KSR2: variants seen among roughly 807,000 people sequenced by gnomAD.
KSR2 encodes kinase suppressor of ras 2.
Under a neutral mutation model 107.8 loss-of-function variants are expected in KSR2, and 25 were observed. That is an observed-to-expected ratio of 0.23 (90% CI 0.17 to 0.32). KSR2 has a LOEUF of 0.32. Among genes scored for constraint, KSR2 ranks in the 10% least tolerant of loss-of-function variants. The pLI is 1.00. For synonymous variants in KSR2, 480 were observed against 507.0 expected, an observed-to-expected ratio of 0.95 and a Z score of 0.71; for missense variants, 887 against 1,268.9, an observed-to-expected ratio of 0.70 and a Z score of 4.57.
chr12:117,925,065 C>T (rs139778815), intron 1 of KSR2, among the ~76,000 whole-genome samples: 47 of 151,670 alleles, frequency 3.1e-4, no homozygotes, highest in African/African-American at 9.7e-4. Flanking sequence ...ATTGGCAAGA[C>T]GTTGATTATT....
chr12:117,629,332 G>A (rs1466378221), intron 5 of KSR2, among the ~76,000 whole-genome samples: 1 of 152,168 alleles, frequency 6.6e-6, no homozygotes, highest in Non-Finnish European at 1.5e-5. Context: ...GGCCATCTTG[G>A]AATGCTTTCT....
chr12:117,961,674 T>C (rs1411363698), intron 1 of KSR2, among the ~76,000 whole-genome samples: 1 of 152,150 alleles, frequency 6.6e-6, no homozygotes, highest in Non-Finnish European at 1.5e-5. Flanking sequence ...ACCAGCTGAA[T>C]GTGGCCACGA....
At chr12:117,755,337 G>A (rs540000499) in intron 4 of KSR2, among the ~76,000 whole-genome samples, 6 of 152,290 alleles carry the variant, frequency 3.9e-5, no homozygotes, top group African/African-American at 9.6e-5. Flanking sequence ...CAAGCCTCTC[G>A]CTGCCACGTT....
intron 5 of KSR2, among the ~76,000 whole-genome samples, chr12:117,646,929 G>A (rs558855972): frequency 6.6e-6 from 1 of 152,160 alleles, no homozygotes; most frequent in Non-Finnish European, 1.5e-5. Context: ...GGCTGTGAAG[G>A]GTGGATGATT....
At chr12:117,942,450 A>G (rs2137538289) in intron 1 of KSR2, among the ~76,000 whole-genome samples, 1 of 151,188 alleles carries the variant, frequency 6.6e-6, no homozygotes, top group East Asian at 1.9e-4. Context: ...TGAATTTTTC[A>G]AGTTCCCTCT....
chr12:117,950,749 A>ATAATAATAATAAT (rs60499991), intron 1 of KSR2, among the ~76,000 whole-genome samples: 3 of 132,162 alleles, frequency 2.3e-5, no homozygotes, highest in African/African-American at 5.8e-5. Flanking sequence ...AAAAAAAAAA[A>ATAATAATAATAAT]AATAATAATA....
intron 1 of KSR2, among the ~76,000 whole-genome samples, chr12:117,925,824 G>T (rs1204811917): frequency 6.6e-6 from 1 of 152,174 alleles, no homozygotes; most frequent in Non-Finnish European, 1.5e-5. Flanking sequence ...GTGTGCTGGG[G>T]TAGGGGTTTA....
At chr12:117,656,981 G>GAGATATATATATATTAGGATATATAT (rs1254292550) in intron 5 of KSR2, among the ~76,000 whole-genome samples, 1 of 98,210 alleles carries the variant, frequency 1.0e-5, no homozygotes, top group African/African-American at 4.3e-5. Context: ...TATATAATAG[G>GAGATATATATATATTAGGATATATAT]ATATATATAT....
chr12:117,525,865 AG>A (rs1436246288), intron 13 of KSR2, among the ~76,000 whole-genome samples: 1 of 152,302 alleles, frequency 6.6e-6, no homozygotes, highest in African/African-American at 2.4e-5. Flanking sequence ...AGCAGCTGGG[AG>A]GGTAGGAGAC....
chr12:117,584,714 C>T (rs1235265898), intron 5 of KSR2, among the ~76,000 whole-genome samples: 1 of 152,170 alleles, frequency 6.6e-6, no homozygotes, highest in East Asian at 1.9e-4. Flanking sequence ...TACATGTTTG[C>T]TGAATCCAAG....
At chr12:117,884,307 A>G (rs1473967377) in intron 1 of KSR2, among the ~76,000 whole-genome samples, 3 of 152,152 alleles carry the variant, frequency 2.0e-5, no homozygotes, top group African/African-American at 7.2e-5. Flanking sequence ...AGAGAGAAAA[A>G]GGGACATGAG....
chr12:117,754,976 C>G (rs1411537361), intron 4 of KSR2, among the ~76,000 whole-genome samples: 1 of 152,172 alleles, frequency 6.6e-6, no homozygotes, highest in African/African-American at 2.4e-5. Context: ...TAAAAGCAGA[C>G]TGAACACTAG....
At chr12:117,875,363 C>T (rs531146393) in intron 1 of KSR2, among the ~76,000 whole-genome samples, 23 of 144,622 alleles carry the variant, frequency 1.6e-4, no homozygotes, top group Non-Finnish European at 2.8e-4. Context: ...AGAACGAAAG[C>T]GGAGTCCGTG....
At chr12:117,689,650 G>T (rs1482179338) in intron 4 of KSR2, among the ~76,000 whole-genome samples, 2 of 152,082 alleles carry the variant, frequency 1.3e-5, no homozygotes, top group Non-Finnish European at 2.9e-5. Context: ...CAAACTCCAA[G>T]ATACATTGAT....
intron 4 of KSR2, among the ~76,000 whole-genome samples, chr12:117,668,927 T>C (rs1195968251): frequency 6.6e-6 from 1 of 152,192 alleles, no homozygotes; most frequent in Non-Finnish European, 1.5e-5. Flanking sequence ...TTTAAATATT[T>C]GTTGAATGAT....
In KSR2 at chr12:117,647,489, G is replaced by A. The variant is rs116441450; in HGVS notation, c.1171+19985C>T. Among the ~76,000 whole-genome samples, 535 of 152,268 alleles carry A rather than the reference G, an allele frequency of 3.5e-3. 1 individual carries two copies. Among genetic ancestry groups the A allele is most frequent in the African/African-American group, 0.012 (500 of 41,548 alleles). On this transcript the variant is annotated intron_variant, in intron 5 of 19. Transcript: ENST00000339824. Reference sequence around the variant, plus strand: ...TGCCATGGGTGGGAGGCTGTGGCACGTCCACGCAAGGCCTTGGAAGCAGCC... The same window carrying A: ...TGCCATGGGTGGGAGGCTGTGGCACATCCACGCAAGGCCTTGGAAGCAGCC...
chr12:117,579,292 T>G, intron 6 of KSR2, 90 bp from the exon 7 acceptor site: 1 of 891,050 alleles, frequency 1.1e-6, no homozygotes. Context: ...AGCAAGCACA[T>G]GAACCCTGGA....
rs997382900 is a variant in KSR2 at position 117,949,183 on chromosome 12, A to T, written c.180+18893T>A. On this transcript the variant is annotated intron_variant, in intron 1 of 19. Transcript: ENST00000339824. ...CTTTTGCACCAACCTAATACAAAAAAATGAATCACAGATTGAATGTAAATC... is the reference window on the plus strand; with the variant it reads ...CTTTTGCACCAACCTAATACAAAAATATGAATCACAGATTGAATGTAAATC... 4.6e-5 allele frequency among the ~76,000 whole-genome samples: 7 copies of T among 152,300 alleles called. No homozygotes were observed. In the South Asian group the frequency reaches 1.5e-3, roughly 32 times the overall value.
intron 1 of KSR2, among the ~76,000 whole-genome samples, chr12:117,948,710 C>G (rs558134113): frequency 6.6e-6 from 1 of 152,124 alleles, no homozygotes; most frequent in Non-Finnish European, 1.5e-5. Flanking sequence ...AATGCACACA[C>G]ACAAAAAATG....
Sources: gnomAD v4.1 joint callset for allele counts (sites outside exome capture counted in the v4.1 genomes callset) on GRCh38, gnomAD v4.1.1 for gene constraint, MANE v1.5 for transcripts, NCBI Gene and HGNC (gene_info 2026-07-23, HGNC 2026-07-21) for gene names.